The following APP variants were observed in gnomAD, a reference collection of about 807,000 sequenced individuals.
APP encodes amyloid-beta precursor protein.
APP carries 31 observed loss-of-function variants against 101.4 expected under a neutral mutation model. The ratio of observed to expected loss-of-function variants is 0.31; its 90% CI spans 0.23 to 0.41. The LOEUF (loss-of-function observed/expected upper bound fraction) is 0.41. Among genes scored for constraint, APP ranks in the 10% least tolerant of loss-of-function variants. The pLI, the probability that APP is intolerant of heterozygous loss-of-function variation, is 1.00. For synonymous variants in APP, 366 were observed against 364.4 expected, an observed-to-expected ratio of 1.00 and a Z score of -0.05; for missense variants, 839 against 1,003.7, an observed-to-expected ratio of 0.84 and a Z score of 2.22.
At chr21:26,130,875 T>C (rs1303705080) in intron 1 of APP, among the ~76,000 whole-genome samples, 2 of 152,280 alleles carry the variant, frequency 1.3e-5, no homozygotes, top group Non-Finnish European at 1.5e-5. Context: ...GCCAAAGAGT[T>C]CACTACTAAG....
chr21:25,988,447 A>T (rs113828801), intron 8 of APP, among the ~76,000 whole-genome samples: 8,573 of 152,216 alleles, frequency 0.056, 325 homozygotes, highest in South Asian at 0.092. Flanking sequence ...CACGCCTGTA[A>T]TCCCAGCACT....
At chr21:25,890,266 TTC>T (rs975228603) in intron 17 of APP, among the ~76,000 whole-genome samples, 3 of 152,212 alleles carry the variant, frequency 2.0e-5, no homozygotes, top group Admixed American at 6.5e-5. Flanking sequence ...CATCAGCAGC[TTC>T]TGTTGTAGTC....
intron 1 of APP, among the ~76,000 whole-genome samples, chr21:26,154,350 T>G (rs531242781): frequency 7.2e-5 from 11 of 152,284 alleles, no homozygotes; most frequent in African/African-American, 1.9e-4. Flanking sequence ...CATCTGACAT[T>G]TCAGGGTTCA....
At chr21:26,166,470 T>C (rs1305217531) in intron 1 of APP, among the ~76,000 whole-genome samples, 1 of 152,202 alleles carries the variant, frequency 6.6e-6, no homozygotes, top group East Asian at 1.9e-4. Context: ...TTTATTTCTG[T>C]TTTCTTCAGC....
At chr21:26,031,485 T>A (rs1429097524) in intron 5 of APP, among the ~76,000 whole-genome samples, 2 of 152,176 alleles carry the variant, frequency 1.3e-5, no homozygotes, top group African/African-American at 4.8e-5. Flanking sequence ...TTAATGGGAC[T>A]TACAGTTCCA....
intron 1 of APP, among the ~76,000 whole-genome samples, chr21:26,128,221 AC>A (rs2062722885): frequency 6.6e-6 from 1 of 152,118 alleles, no homozygotes. Flanking sequence ...GGCAGATCTG[AC>A]TCACCAAGTC....
At chr21:26,019,023 G>A (rs1298274816) in intron 6 of APP, among the ~76,000 whole-genome samples, 1 of 152,166 alleles carries the variant, frequency 6.6e-6, no homozygotes, top group African/African-American at 2.4e-5. Context: ...CAAGCAAATT[G>A]TCTTGTTCTA....
intron 3 of APP, among the ~76,000 whole-genome samples, chr21:26,059,534 C>T (rs1201794416): frequency 6.6e-6 from 1 of 152,170 alleles, no homozygotes; most frequent in East Asian, 1.9e-4. Context: ...CAATACTTCA[C>T]GTGCGTCTTC....
chr21:25,955,821 T>G (rs2041294054), intron 11 of APP, 66 bp from the exon 12 acceptor site: 1 of 1,610,608 alleles, frequency 6.2e-7, no homozygotes, highest in Non-Finnish European at 8.5e-7. Context: ...CCATTGGCGA[T>G]GGGTTAGAGG....
chr21:26,108,102 CAG>C (rs376451049), intron 2 of APP, among the ~76,000 whole-genome samples: 51 of 152,284 alleles, frequency 3.3e-4, no homozygotes, highest in African/African-American at 1.2e-3. Flanking sequence ...CCTTACAGCT[CAG>C]AGTCACTGGT....
At chr21:26,017,579 C>T (rs950456669) in intron 6 of APP, among the ~76,000 whole-genome samples, 11 of 139,846 alleles carry the variant, frequency 7.9e-5, no homozygotes, top group African/African-American at 2.7e-4. Flanking sequence ...TAGCCATCAG[C>T]AGGGGTACAA....
At chr21:25,886,154 A>G (rs1278157023) in intron 17 of APP, among the ~76,000 whole-genome samples, 1 of 152,120 alleles carries the variant, frequency 6.6e-6, no homozygotes, top group Non-Finnish European at 1.5e-5. Flanking sequence ...GACACATCAA[A>G]GGAGCCACAA....
In APP at chr21:26,112,022, G is replaced by C. The variant is rs11549661; in HGVS notation, c.182C>G (p.Thr61Ser). ...KWDSDPSGTK[T>S]CIDTKEGILQ... ...GATGCCTTCCTTGGTATCAATGCAGGTTTTGGTCCCTGATGGATCTGAATC... is the reference window on the plus strand; with the variant it reads ...GATGCCTTCCTTGGTATCAATGCAGCTTTTGGTCCCTGATGGATCTGAATC... The change falls in exon 2 of 18, where the codon ACC (threonine) becomes AGC (serine). Residue 61 changes from threonine (T) to serine (S), a missense_variant. Coordinates refer to ENST00000346798, the MANE Select transcript of APP (RefSeq NM_000484.4). 5 of 1,614,092 alleles carry C rather than the reference G, an allele frequency of 3.1e-6. No homozygotes were observed. The highest frequency in any genetic ancestry group is 4.2e-6 in the Non-Finnish European group (5 of 1,180,004).
chr21:25,969,664 AC>A (rs1439167106), intron 11 of APP, among the ~76,000 whole-genome samples: 1 of 151,436 alleles, frequency 6.6e-6, no homozygotes, highest in African/African-American at 2.4e-5. Flanking sequence ...ACACAGCGAG[AC>A]CCTGTCTTTA....
chr21:25,925,117 T>C (rs2039828203), intron 13 of APP, among the ~76,000 whole-genome samples: 1 of 152,152 alleles, frequency 6.6e-6, no homozygotes, highest in African/African-American at 2.4e-5. Context: ...GCATTGGAAG[T>C]AGCTGTAAAT....
intron 14 of APP, among the ~76,000 whole-genome samples, chr21:25,909,364 T>C (rs1171317800): frequency 2.0e-5 from 3 of 151,326 alleles, no homozygotes; most frequent in Non-Finnish European, 4.4e-5. Flanking sequence ...TAATGAAGAG[T>C]ACTGCAACTC....
intron 12 of APP, among the ~76,000 whole-genome samples, chr21:25,955,164 A>G (rs2041261339): frequency 6.6e-6 from 1 of 152,154 alleles, no homozygotes; most frequent in African/African-American, 2.4e-5. Context: ...TCATTCAAGA[A>G]AATGTAAAAT....
At chr21:25,975,809 C>A in intron 10 of APP, 145 bp downstream of exon 10, 1 of 710,084 alleles carries the variant, frequency 1.4e-6, no homozygotes, top group Non-Finnish European at 2.6e-6. Flanking sequence ...AACTCAATTA[C>A]TAGACAATGA....
chr21:26,138,356 A>G (rs2062965186), intron 1 of APP, among the ~76,000 whole-genome samples: 1 of 152,096 alleles, frequency 6.6e-6, no homozygotes, highest in Non-Finnish European at 1.5e-5. Context: ...AATATTGTAC[A>G]TGTTATAGGA....
Sources: gnomAD v4.1 joint callset for allele counts (sites outside exome capture counted in the v4.1 genomes callset) on GRCh38, gnomAD v4.1.1 for gene constraint, MANE v1.5 for transcripts, NCBI Gene and HGNC (gene_info 2026-07-23, HGNC 2026-07-21) for gene names.